The following TMCC1 variants were observed in gnomAD, a reference collection of about 807,000 sequenced individuals.
TMCC1 encodes the protein transmembrane and coiled-coil domain family 1.
TMCC1 carries 15 observed loss-of-function variants against 52.4 expected under a neutral mutation model. The observed-to-expected ratio is 0.29, with a 90% CI of 0.19 to 0.44. The LOEUF (loss-of-function observed/expected upper bound fraction) is 0.44, where lower values mean the gene tolerates loss of function less well. Ranked by LOEUF, TMCC1 falls within the 20% of genes least tolerant of loss-of-function variation. TMCC1 has a pLI of 1.00. For missense variants in TMCC1, 503 were observed against 806.0 expected, an observed-to-expected ratio of 0.62 and a Z score of 4.55; for synonymous variants, 279 against 301.9, an observed-to-expected ratio of 0.92 and a Z score of 0.79.
chr3:129,656,804 T>G (rs1217468066), intron 5 of TMCC1: 1 of 152,238 alleles, frequency 6.6e-6, no homozygotes. Context: ...GATGGATAAC[T>G]AGGGTCAAAG....
At chr3:129,815,118 C>T (rs2058032701) in intron 4 of TMCC1, among the ~76,000 whole-genome samples, 1 of 151,986 alleles carries the variant, frequency 6.6e-6, no homozygotes, top group Admixed American at 6.6e-5. Context: ...TTTTCATCAC[C>T]ACAAGGGAAC....
chr3:129,740,082 G>A (rs1317493580), intron 4 of TMCC1, among the ~76,000 whole-genome samples: 1 of 152,224 alleles, frequency 6.6e-6, no homozygotes, highest in Non-Finnish European at 1.5e-5. Flanking sequence ...AAACAGAGCG[G>A]TGTAAGTGAG....
chr3:129,794,948 C>T (rs148192438), intron 4 of TMCC1, among the ~76,000 whole-genome samples: 1 of 152,326 alleles, frequency 6.6e-6, no homozygotes, highest in Non-Finnish European at 1.5e-5. Context: ...GAAAAGCAAG[C>T]CCCTGGCTGT....
intron 4 of TMCC1, among the ~76,000 whole-genome samples, chr3:129,805,661 G>A (rs1003201118): frequency 2.6e-5 from 4 of 152,034 alleles, no homozygotes; most frequent in African/African-American, 4.8e-5. Flanking sequence ...GGCTGGACTG[G>A]GTGGCCCACT....
chr3:129,769,428 C>T (rs1056310345), intron 4 of TMCC1, among the ~76,000 whole-genome samples: 56 of 152,104 alleles, frequency 3.7e-4, no homozygotes, highest in Non-Finnish European at 7.8e-4. Context: ...CGGGGTTTCA[C>T]CATGTTGGCC....
At chr3:129,703,082 G>A (rs1183398895) in intron 4 of TMCC1, among the ~76,000 whole-genome samples, 1 of 152,188 alleles carries the variant, frequency 6.6e-6, no homozygotes, top group Non-Finnish European at 1.5e-5. Context: ...AGTATTACTA[G>A]CCATAGATGG....
intron 4 of TMCC1, among the ~76,000 whole-genome samples, chr3:129,759,469 T>C (rs1233041309): frequency 1.3e-5 from 2 of 151,894 alleles, no homozygotes; most frequent in African/African-American, 2.4e-5. Context: ...GGTTTCACCA[T>C]GTTAGCCAGG....
intron 4 of TMCC1, among the ~76,000 whole-genome samples, chr3:129,748,281 G>T (rs2052163313): frequency 6.6e-6 from 1 of 152,088 alleles, no homozygotes. Context: ...AAATGGATGA[G>T]ATTTGGGTTT....
chr3:129,875,582 A>C (rs2061163162), intron 2 of TMCC1, among the ~76,000 whole-genome samples: 1 of 151,670 alleles, frequency 6.6e-6, no homozygotes, highest in Non-Finnish European at 1.5e-5. Flanking sequence ...TCTTGGCCCC[A>C]ATCTGTTATT....
chr3:129,815,514 T>C (rs74376137), intron 4 of TMCC1, among the ~76,000 whole-genome samples: 2,392 of 152,264 alleles, frequency 0.016, 49 homozygotes, highest in African/African-American at 0.055. Context: ...ACAGTCTCTT[T>C]AATAAATGGT....
At chr3:129,711,849 A>T (rs1412905025) in intron 4 of TMCC1, among the ~76,000 whole-genome samples, 20 of 148,580 alleles carry the variant, frequency 1.3e-4, no homozygotes, top group African/African-American at 4.7e-4. Flanking sequence ...AAAAAATACA[A>T]AAATCAGCTG....
intron 4 of TMCC1, among the ~76,000 whole-genome samples, chr3:129,772,947 A>G (rs2054731061): frequency 6.6e-6 from 1 of 152,190 alleles, no homozygotes. Flanking sequence ...GTAGGAATGC[A>G]AAATAGTATA....
At chr3:129,690,741 T>TG (rs1358590434) in intron 4 of TMCC1, among the ~76,000 whole-genome samples, 1 of 152,212 alleles carries the variant, frequency 6.6e-6, no homozygotes, top group Admixed American at 6.5e-5. Flanking sequence ...AACCACTAAA[T>TG]GGAGGACAGC....
chr3:129,837,699 T>C (rs1299775759), intron 2 of TMCC1, among the ~76,000 whole-genome samples: 1 of 152,062 alleles, frequency 6.6e-6, no homozygotes, highest in South Asian at 2.1e-4. Flanking sequence ...GACCCACGTA[T>C]GACATAAATT....
chr3:129,876,551 T>C (rs1378074521), intron 2 of TMCC1, among the ~76,000 whole-genome samples: 1 of 152,116 alleles, frequency 6.6e-6, no homozygotes, highest in East Asian at 1.9e-4. Context: ...CTCAGCATTT[T>C]AGAAGGCTGA....
intron 4 of TMCC1, among the ~76,000 whole-genome samples, chr3:129,820,167 C>T (rs2058348214): frequency 6.7e-6 from 1 of 150,036 alleles, no homozygotes; most frequent in Non-Finnish European, 1.5e-5. Context: ...AGCATGACTT[C>T]TAGAGCTAAA....
intron 1 of TMCC1, among the ~76,000 whole-genome samples, chr3:129,890,089 A>G (rs2061895734): frequency 6.6e-6 from 1 of 152,160 alleles, no homozygotes; most frequent in South Asian, 2.1e-4. Flanking sequence ...GAGTTTGCCT[A>G]GGCAACATAT....
chr3:129,891,461 T>C (rs1480025399), intron 1 of TMCC1, among the ~76,000 whole-genome samples: 3 of 152,254 alleles, frequency 2.0e-5, no homozygotes, highest in African/African-American at 7.2e-5. Flanking sequence ...AACATATTTG[T>C]TCACGTACTG....
chr3:129,860,231 A>G (rs1240783668), intron 2 of TMCC1, among the ~76,000 whole-genome samples: 1 of 151,884 alleles, frequency 6.6e-6, no homozygotes, highest in Non-Finnish European at 1.5e-5. Context: ...ATAAAATATT[A>G]AGTGAGTGGA....
Sources: gnomAD v4.1 joint callset for allele counts (sites outside exome capture counted in the v4.1 genomes callset) on GRCh38, gnomAD v4.1.1 for gene constraint, MANE v1.5 for transcripts, NCBI Gene and HGNC (gene_info 2026-07-23, HGNC 2026-07-21) for gene names.